Variants in PLEKHH2 observed in about 807,000 individuals in gnomAD.
PLEKHH2 encodes the protein pleckstrin homology, MyTH4 and FERM domain containing H2.
In PLEKHH2, 129 loss-of-function variants were observed where a neutral mutation model predicts 187.9. The observed-to-expected ratio is 0.69, with a 90% CI of 0.59 to 0.79. The LOEUF is 0.79. Ranked by LOEUF, PLEKHH2 falls within the 30% of genes least tolerant of loss-of-function variation. The pLI is 0.00. For missense variants in PLEKHH2, 2,076 were observed against 1,751.2 expected (o/e 1.19, Z -3.31); for synonymous variants, 686 against 605.6 (o/e 1.13, Z -1.95).
At chr2:43,703,882 A>AGAACAAAT in intron 8 of PLEKHH2, 99 bp from the exon 9 acceptor site, 1 of 770,098 alleles carries the variant, frequency 1.3e-6, no homozygotes, top group East Asian at 2.5e-5. Flanking sequence ...TCTTAAATGA[A>AGAACAAAT]GAACAAATGA....
chr2:43,712,442 G>A (rs1158093477), intron 15 of PLEKHH2, 59 bp downstream of exon 15: 56 of 1,529,954 alleles, frequency 3.7e-5, no homozygotes, highest in Middle Eastern at 1.7e-4. Flanking sequence ...GCCCATGATC[G>A]CTGAAAATGG....
chr2:43,675,975 C>T, intron 2 of PLEKHH2: 1 of 1,614,000 alleles, frequency 6.2e-7, no homozygotes, highest in Admixed American at 1.7e-5. Flanking sequence ...TCTGTACCCA[C>T]CTGTCATTAC....
chr2:43,695,959 G>A (rs1669071157), intron 6 of PLEKHH2, among the ~76,000 whole-genome samples: 1 of 152,100 alleles, frequency 6.6e-6, no homozygotes, highest in South Asian at 2.1e-4. Context: ...GTTCTTAGAT[G>A]CCTGAGCTGG....
chr2:43,666,269 G>A (rs1402671494), intron 2 of PLEKHH2, among the ~76,000 whole-genome samples: 13 of 151,026 alleles, frequency 8.6e-5, no homozygotes, highest in African/African-American at 1.2e-4. Context: ...TCTTTGACTC[G>A]GAAAGGGAAC....
chr2:43,697,770 C>G (rs1669159198), intron 7 of PLEKHH2, among the ~76,000 whole-genome samples: 1 of 152,044 alleles, frequency 6.6e-6, no homozygotes, highest in Non-Finnish European at 1.5e-5. Context: ...TAAAACATTA[C>G]TTAATATTAC....
intron 2 of PLEKHH2, among the ~76,000 whole-genome samples, chr2:43,659,513 T>A (rs1448785659): frequency 6.6e-6 from 1 of 152,114 alleles, no homozygotes; most frequent in Non-Finnish European, 1.5e-5. Flanking sequence ...ACCATTGATA[T>A]TGTTATCTGT....
Position 43,767,574 on chromosome 2 carries a change from A to G in PLEKHH2, c.*1976A>G, listed in dbSNP as rs771651448. ...TTGGCTGGGTTACAGAAGAGTTTCT[A>G]AGTTCCTAGAGAGCCATTTAATAAT... is the stretch of plus-strand genomic sequence containing the variant. On this transcript the variant is annotated 3_prime_UTR_variant, in exon 30 of 30. Transcript: ENST00000282406. The G allele has an allele frequency of 8.5e-5, 13 of 152,528 alleles. No individual in the cohort carries two copies. The highest frequency in any genetic ancestry group is 2.0e-4 in the Admixed American group (3 of 15,296). The allele number at this position is 152,528 out of a possible 1,614,324, so 9.4% of individuals were successfully genotyped here. A position where few individuals can be genotyped will look rare whatever the true frequency, so the allele number is the denominator to read the frequency against.
At chr2:43,697,059 C>CT (rs1244477925) in intron 6 of PLEKHH2, 112 bp from the exon 7 acceptor site, 34 of 821,670 alleles carry the variant, frequency 4.1e-5, no homozygotes, top group Non-Finnish European at 5.4e-5. Context: ...GAACTTTAGG[C>CT]TTTTTTTCTG....
chr2:43,650,207 G>T (rs138606759), intron 2 of PLEKHH2, among the ~76,000 whole-genome samples: 1 of 132,300 alleles, frequency 7.6e-6, no homozygotes, highest in African/African-American at 2.9e-5. Context: ...CTGAAGTGCA[G>T]TGGTGCCTTC....
intron 2 of PLEKHH2, among the ~76,000 whole-genome samples, chr2:43,666,069 C>T (rs1211046939): frequency 1.3e-5 from 2 of 149,518 alleles, no homozygotes; most frequent in Non-Finnish European, 3.0e-5. Flanking sequence ...TCCCCTCCCC[C>T]AGCCTTGCTG....
chr2:43,697,388 A>G (rs1415944434), intron 7 of PLEKHH2, 32 bp downstream of exon 7: 3 of 1,530,342 alleles, frequency 2.0e-6, no homozygotes, highest in Non-Finnish European at 2.7e-6. Flanking sequence ...TGACTTTGGC[A>G]TTTTTTAAAA....
Position 43,678,850 on chromosome 2 carries a change from C to T in PLEKHH2, c.124-13C>T, listed in dbSNP as rs1336755629. 10 of 1,565,946 alleles carry T rather than the reference C, an allele frequency of 6.4e-6. No individual in the cohort carries two copies. Among genetic ancestry groups the T allele is most frequent in the Admixed American group, 5.4e-5 (3 of 55,372 alleles). On this transcript the variant is annotated splice_polypyrimidine_tract_variant and intron_variant, in intron 2 of 29. Transcript: ENST00000282406. ...AATAAATTTTTGTATTTATATTTTCCCTCACTCTACAGATGCAACAGCTTG... is the reference window on the plus strand; with the variant it reads ...AATAAATTTTTGTATTTATATTTTCTCTCACTCTACAGATGCAACAGCTTG...
chr2:43,672,415 G>A (rs1452522894), intron 2 of PLEKHH2, among the ~76,000 whole-genome samples: 3 of 151,738 alleles, frequency 2.0e-5, no homozygotes, highest in African/African-American at 4.8e-5. Context: ...TTAAATTTCT[G>A]TTGGCTTTAG....
intron 3 of PLEKHH2, chr2:43,679,708 T>A: frequency 5.8e-6 from 1 of 173,412 alleles, no homozygotes; most frequent in Non-Finnish European, 1.2e-5. Context: ...CAGGATGGCC[T>A]CAAACTCCTG....
chr2:43,639,773 C>T (rs1342842854), intron 1 of PLEKHH2, among the ~76,000 whole-genome samples: 1 of 151,044 alleles, frequency 6.6e-6, no homozygotes, highest in Non-Finnish European at 1.5e-5. Context: ...TCTCCTGTCT[C>T]AGCCTCCCTA....
chr2:43,696,602 A>G (rs1437003066), intron 6 of PLEKHH2, among the ~76,000 whole-genome samples: 1 of 151,860 alleles, frequency 6.6e-6, no homozygotes, highest in Non-Finnish European at 1.5e-5. Context: ...TTCTCTTTAA[A>G]GAAGTGATTA....
intron 17 of PLEKHH2, among the ~76,000 whole-genome samples, chr2:43,726,858 G>A (rs1406501128): frequency 6.6e-6 from 1 of 152,070 alleles, no homozygotes; most frequent in Non-Finnish European, 1.5e-5. Context: ...TTATGATAAA[G>A]GAGGTATCAC....
intron 21 of PLEKHH2, among the ~76,000 whole-genome samples, chr2:43,741,791 A>G (rs1013627724): frequency 2.0e-5 from 3 of 152,214 alleles, no homozygotes; most frequent in Non-Finnish European, 2.9e-5. Context: ...GGATCTGCCT[A>G]CAGGGCACTT....
chr2:43,671,982 T>C (rs1412445856), intron 2 of PLEKHH2, among the ~76,000 whole-genome samples: 2 of 152,226 alleles, frequency 1.3e-5, no homozygotes, highest in Non-Finnish European at 1.5e-5. Flanking sequence ...AGAGTTTTTG[T>C]TGAGTTTCTA....
Sources: gnomAD v4.1 joint callset for allele counts (sites outside exome capture counted in the v4.1 genomes callset) on GRCh38, gnomAD v4.1.1 for gene constraint, MANE v1.5 for transcripts, NCBI Gene and HGNC (gene_info 2026-07-23, HGNC 2026-07-21) for gene names.